The following RGS7BP variants were observed in gnomAD, a reference collection of about 807,000 sequenced individuals.
The protein encoded by RGS7BP is regulator of G protein signaling 7 binding protein.
A neutral mutation model predicts 31.3 loss-of-function variants in RGS7BP; 9 were observed. The observed-to-expected ratio is 0.29, with a 90% CI of 0.17 to 0.50. The LOEUF (loss-of-function observed/expected upper bound fraction) is 0.50. RGS7BP is among the 20% of genes least tolerant of loss of function. The pLI is 0.98. For synonymous variants in RGS7BP, 115 were observed against 120.1 expected (o/e 0.96, Z 0.28); for missense variants, 274 against 322.0 (o/e 0.85, Z 1.14).
At chr5:64,558,073 AG>A (rs1038746610) in intron 2 of RGS7BP, among the ~76,000 whole-genome samples, 1 of 152,114 alleles carries the variant, frequency 6.6e-6, no homozygotes, top group African/African-American at 2.4e-5. Context: ...TTGGCTTCTC[AG>A]GGGTGCCTGT....
intron 4 of RGS7BP, 29 bp from the exon 5 acceptor site, chr5:64,598,336 A>C: frequency 7.8e-7 from 1 of 1,287,570 alleles, no homozygotes; most frequent in Non-Finnish European, 1.1e-6. Flanking sequence ...TTTACAGCTG[A>C]TTATTCTGTC....
chr5:64,595,661 A>C (rs533258811), intron 4 of RGS7BP, among the ~76,000 whole-genome samples: 231 of 152,272 alleles, frequency 1.5e-3, no homozygotes, highest in African/African-American at 4.9e-3. Flanking sequence ...TTTGCTACTA[A>C]TGTCCCCAGA....
intron 2 of RGS7BP, among the ~76,000 whole-genome samples, chr5:64,557,020 G>A (rs1741945430): frequency 6.6e-6 from 1 of 152,162 alleles, no homozygotes; most frequent in Admixed American, 6.6e-5. Flanking sequence ...TTTTGGAAAT[G>A]TAACTTAAGT....
intron 2 of RGS7BP, among the ~76,000 whole-genome samples, chr5:64,573,375 G>A (rs2111893209): frequency 1.3e-5 from 2 of 152,162 alleles, no homozygotes; most frequent in South Asian, 4.2e-4. Context: ...TACATAAAAT[G>A]TCATCCATAT....
chr5:64,574,629 G>A (rs1341328430), intron 2 of RGS7BP, among the ~76,000 whole-genome samples: 1 of 152,122 alleles, frequency 6.6e-6, no homozygotes, highest in Non-Finnish European at 1.5e-5. Context: ...TGTTATATAA[G>A]CCATATGGTT....
At chr5:64,518,614 C>T (rs1749033903) in intron 2 of RGS7BP, among the ~76,000 whole-genome samples, 1 of 152,124 alleles carries the variant, frequency 6.6e-6, no homozygotes, top group Admixed American at 6.5e-5. Flanking sequence ...GCAGCAACAA[C>T]AGCAAGGTAA....
At chr5:64,545,171 G>A (rs1741623428) in intron 2 of RGS7BP, among the ~76,000 whole-genome samples, 1 of 148,162 alleles carries the variant, frequency 6.7e-6, no homozygotes, top group African/African-American at 2.5e-5. Flanking sequence ...GTGAGACAAT[G>A]TCTTTGAAAA....
intron 2 of RGS7BP, among the ~76,000 whole-genome samples, chr5:64,519,569 C>T (rs1749058202): frequency 6.6e-6 from 1 of 152,182 alleles, no homozygotes; most frequent in African/African-American, 2.4e-5. Flanking sequence ...ATAGCAATGT[C>T]CTTTCTCTTT....
intron 2 of RGS7BP, among the ~76,000 whole-genome samples, 198 bp downstream of exon 2, chr5:64,508,075 T>C (rs1748742787): frequency 6.6e-6 from 1 of 152,216 alleles, no homozygotes; most frequent in Non-Finnish European, 1.5e-5. Flanking sequence ...CATATATGTA[T>C]ATATATTTAG....
chr5:64,507,635 G>T, intron 1 of RGS7BP, 76 bp from the exon 2 acceptor site: 2 of 1,410,166 alleles, frequency 1.4e-6, no homozygotes, highest in East Asian at 2.3e-5. Flanking sequence ...GAAAGCCCCT[G>T]TTTATGTACT....
chr5:64,522,072 C>A (rs549123413), intron 2 of RGS7BP, among the ~76,000 whole-genome samples: 22 of 152,294 alleles, frequency 1.4e-4, no homozygotes, highest in African/African-American at 4.3e-4. Flanking sequence ...TGTAGAAAGA[C>A]CTCCCCTATG....
At chr5:64,588,255 G>C (rs760155513) in intron 3 of RGS7BP, among the ~76,000 whole-genome samples, 2 of 152,110 alleles carry the variant, frequency 1.3e-5, no homozygotes, top group East Asian at 1.9e-4. Flanking sequence ...TCTCACATTC[G>C]GCACATCTTG....
chr5:64,586,988 A>C (rs1269758299), intron 3 of RGS7BP, among the ~76,000 whole-genome samples: 2 of 152,220 alleles, frequency 1.3e-5, no homozygotes. Context: ...GATTAGAACA[A>C]TAAAAGTTCA....
At position 64,539,191 on chromosome 5, in the gene RGS7BP, T is replaced by C. The variant is rs1741461035; in HGVS notation, c.332+31314T>C. The stretch of plus-strand genomic sequence containing the variant: ...TCACCTTCTTAGTGAAGTGTCTGTT[T>C]AAGTCTTTGGCTTATTTTTCATTGG... On this transcript the variant is annotated intron_variant, in intron 2 of 5. Transcript: ENST00000334025. Among the ~76,000 whole-genome samples, 2 of 152,220 alleles carry C rather than the reference T, an allele frequency of 1.3e-5. 1 individual carries two copies. The highest frequency in any genetic ancestry group is 4.1e-4 in the South Asian group (2 of 4,834).
chr5:64,550,745 A>G (rs1741774825), intron 2 of RGS7BP, among the ~76,000 whole-genome samples: 1 of 86,216 alleles, frequency 1.2e-5, no homozygotes, highest in Admixed American at 1.6e-4. Context: ...CCAACCCTGC[A>G]ACAGTCCCCA....
intron 5 of RGS7BP, among the ~76,000 whole-genome samples, chr5:64,600,875 C>T (rs572843986): frequency 6.6e-6 from 1 of 152,220 alleles, no homozygotes; most frequent in Non-Finnish European, 1.5e-5. Context: ...CCAGAGGAAA[C>T]CTGAAGAGTC....
At chr5:64,606,039 TAGAGAGAGAG>T in intron 5 of RGS7BP, among the ~76,000 whole-genome samples, 1 of 123,714 alleles carries the variant, frequency 8.1e-6, no homozygotes, top group East Asian at 2.3e-4. Context: ...TATATATATA[TAGAGAGAGAG>T]AGAGAGAGAG....
chr5:64,555,871 T>C (rs982105991), intron 2 of RGS7BP, among the ~76,000 whole-genome samples: 1 of 152,170 alleles, frequency 6.6e-6, no homozygotes, highest in African/African-American at 2.4e-5. Flanking sequence ...ATTTACATAA[T>C]TTAAATTTGA....
chr5:64,515,132 A>G (rs1748941258), intron 2 of RGS7BP, among the ~76,000 whole-genome samples: 1 of 152,206 alleles, frequency 6.6e-6, no homozygotes, highest in Non-Finnish European at 1.5e-5. Context: ...ATGATGATAT[A>G]TTTGTCTTTT....
Sources: gnomAD v4.1 joint callset for allele counts (sites outside exome capture counted in the v4.1 genomes callset) on GRCh38, gnomAD v4.1.1 for gene constraint, MANE v1.5 for transcripts, NCBI Gene and HGNC (gene_info 2026-07-23, HGNC 2026-07-21) for gene names.